The following ADAM12 variants were observed in gnomAD, a reference collection of about 807,000 sequenced individuals.
ADAM12 encodes the protein disintegrin and metalloproteinase domain-containing protein 12.
Under a neutral mutation model 106.4 loss-of-function variants are expected in ADAM12, and 70 were observed. That is an observed-to-expected ratio of 0.66 (90% CI 0.54 to 0.80). ADAM12 has a LOEUF of 0.80. Among genes scored for constraint, ADAM12 ranks in the 30% least tolerant of loss-of-function variants. The pLI is 0.00. For synonymous variants in ADAM12, 420 were observed against 433.5 expected (o/e 0.97, Z 0.39); for missense variants, 1,010 against 1,171.9 (o/e 0.86, Z 2.02).
chr10:126,022,214 T>C (rs1953781152), intron 21 of ADAM12, among the ~76,000 whole-genome samples: 2 of 152,190 alleles, frequency 1.3e-5, no homozygotes, highest in East Asian at 3.9e-4. Flanking sequence ...TCGTCCTGTT[T>C]AATTATTAAT....
chr10:126,041,771 C>T, intron 18 of ADAM12: 1 of 1,076,994 alleles, frequency 9.3e-7, no homozygotes, highest in South Asian at 3.9e-5. Flanking sequence ...CCAACCCTTG[C>T]TTCTCCCCCA....
In ADAM12 at chr10:126,138,550, T is replaced by C. The variant is rs567213651; in HGVS notation, c.340-2890A>G. 2.0e-5 allele frequency among the ~76,000 whole-genome samples: 3 copies of C among 152,170 alleles called. No homozygotes were observed. The South Asian group carries it at 6.2e-4, about 32-fold the overall frequency. On this transcript the variant is annotated intron_variant, in intron 4 of 22. Transcript: ENST00000448723. Reference sequence around the variant, plus strand: ...CCATCACACCCAGCTAATTTTTGTATTTTTTTGTAGTGATGGAATTTCACC... The same window carrying C: ...CCATCACACCCAGCTAATTTTTGTACTTTTTTGTAGTGATGGAATTTCACC...
chr10:126,274,925 A>T (rs1959209413), intron 3 of ADAM12, among the ~76,000 whole-genome samples: 1 of 152,232 alleles, frequency 6.6e-6, no homozygotes, highest in Admixed American at 6.5e-5. Flanking sequence ...GCCATTTTAA[A>T]ATGCCCTTTC....
At chr10:126,128,931 G>A (rs573417924) in intron 5 of ADAM12, among the ~76,000 whole-genome samples, 2 of 152,108 alleles carry the variant, frequency 1.3e-5, no homozygotes, top group African/African-American at 2.4e-5. Flanking sequence ...GGAGTGTGTG[G>A]TGCGCGTGTG....
rs559062240 is a variant in ADAM12 at position 126,206,055 on chromosome 10, A to T, written c.261-50750T>A. 2.0e-5 allele frequency among the ~76,000 whole-genome samples: 3 copies of T among 152,168 alleles called. No homozygotes were observed. The South Asian group carries it at 6.2e-4, about 32-fold the overall frequency. On this transcript the variant is annotated intron_variant, in intron 3 of 22. Coordinates refer to ENST00000448723, the MANE Select transcript of ADAM12 (RefSeq NM_001288973.2). ...CTTTATGTGTCTGGAAAAATGTCCA[A>T]TTTTTTTTCTAGCACCTAAACAAAT...
At chr10:126,030,307 G>A (rs1356021845) in intron 21 of ADAM12, among the ~76,000 whole-genome samples, 7 of 152,146 alleles carry the variant, frequency 4.6e-5, no homozygotes, top group African/African-American at 1.7e-4. Context: ...TTGAGTGTTT[G>A]AAAATTTCCA....
At chr10:126,186,519 C>A (rs1957401680) in intron 3 of ADAM12, among the ~76,000 whole-genome samples, 1 of 152,192 alleles carries the variant, frequency 6.6e-6, no homozygotes, top group Admixed American at 6.5e-5. Context: ...TTCACTTGAA[C>A]AAAGGTCATT....
rs184661072 is a variant in ADAM12, at chr10:126,161,000, C to T, written c.261-5695G>A. Reference sequence around the variant, plus strand: ...TTCAGTGTTGTCTCTCCAGAGGGTCCTTTCCTGATCTCTTATCTAAAGCAG... The same window carrying T: ...TTCAGTGTTGTCTCTCCAGAGGGTCTTTTCCTGATCTCTTATCTAAAGCAG... On this transcript the variant is annotated intron_variant, in intron 3 of 22. Coordinates refer to ENST00000448723, the MANE Select transcript of ADAM12 (RefSeq NM_001288973.2). 5.0e-3 allele frequency among the ~76,000 whole-genome samples: 761 copies of T among 152,320 alleles called. 6 individuals are homozygous for T. Among genetic ancestry groups the T allele is most frequent in the African/African-American group, 0.018 (733 of 41,558 alleles).
intron 16 of ADAM12, among the ~76,000 whole-genome samples, chr10:126,046,474 A>G (rs186383547): frequency 3.8e-4 from 58 of 152,224 alleles, no homozygotes; most frequent in African/African-American, 1.3e-3. Context: ...AAAGAAATCT[A>G]TGTACTGCAG....
At chr10:126,358,660 A>C (rs74536838) in intron 1 of ADAM12, among the ~76,000 whole-genome samples, 6,459 of 152,254 alleles carry the variant, frequency 0.042, 466 homozygotes, top group African/African-American at 0.15. Flanking sequence ...TTGCAAGAGA[A>C]AGAGATAAAA....
chr10:126,101,438 G>A (rs559315961), intron 8 of ADAM12, among the ~76,000 whole-genome samples, 197 bp from the exon 9 acceptor site: 2 of 152,214 alleles, frequency 1.3e-5, no homozygotes, highest in Admixed American at 6.5e-5. Context: ...TGTTAACTAG[G>A]TTCTCGAAGA....
intron 11 of ADAM12, among the ~76,000 whole-genome samples, chr10:126,086,864 T>C (rs1955367555): frequency 6.7e-6 from 1 of 149,320 alleles, no homozygotes; most frequent in Admixed American, 6.7e-5. Context: ...TGAAACCCTG[T>C]CTCTACTAAA....
chr10:126,140,180 T>C (rs761139487), intron 4 of ADAM12, among the ~76,000 whole-genome samples: 19 of 152,322 alleles, frequency 1.2e-4, no homozygotes, highest in Admixed American at 6.5e-4. Context: ...CACATATGGT[T>C]ACAGAATTTC....
chr10:126,280,218 A>C (rs758295928), intron 2 of ADAM12, among the ~76,000 whole-genome samples: 51 of 152,216 alleles, frequency 3.4e-4, no homozygotes, highest in Non-Finnish European at 4.4e-4. Context: ...AGGTCACATG[A>C]GTTTTGGGAA....
At chr10:126,324,434 T>G (rs1391685451) in intron 2 of ADAM12, among the ~76,000 whole-genome samples, 5 of 152,160 alleles carry the variant, frequency 3.3e-5, no homozygotes, top group African/African-American at 1.2e-4. Flanking sequence ...AGAGTCCAGA[T>G]GGCCCAGGCT....
chr10:126,136,350 C>T (rs10794060), intron 4 of ADAM12, among the ~76,000 whole-genome samples: 60,555 of 152,066 alleles, frequency 0.4, 12,307 homozygotes, highest in East Asian at 0.46. Flanking sequence ...ATTTTATCAT[C>T]GAGCAAAGGT....
At chr10:126,234,778 T>C (rs1401457034) in intron 3 of ADAM12, among the ~76,000 whole-genome samples, 2 of 152,146 alleles carry the variant, frequency 1.3e-5, no homozygotes, top group African/African-American at 2.4e-5. Flanking sequence ...TAACTCCAAA[T>C]GGAGGGAGGA....
intron 3 of ADAM12, among the ~76,000 whole-genome samples, chr10:126,213,639 C>A (rs1957939073): frequency 6.6e-6 from 1 of 152,236 alleles, no homozygotes; most frequent in African/African-American, 2.4e-5. Flanking sequence ...AATTACCCAT[C>A]AACACAAAAC....
intron 5 of ADAM12, among the ~76,000 whole-genome samples, chr10:126,120,441 T>C (rs779947198): frequency 1.3e-5 from 2 of 152,124 alleles, no homozygotes; most frequent in Non-Finnish European, 2.9e-5. Flanking sequence ...TGGAAGAACA[T>C]ACAATGGCCT....
Sources: gnomAD v4.1 joint callset for allele counts (sites outside exome capture counted in the v4.1 genomes callset) on GRCh38, gnomAD v4.1.1 for gene constraint, MANE v1.5 for transcripts, NCBI Gene and HGNC (gene_info 2026-07-23, HGNC 2026-07-21) for gene names.